PRKD3: variants seen among roughly 807,000 people sequenced by gnomAD.
PRKD3 encodes protein kinase D3, also known as serine/threonine-protein kinase D3.
A neutral mutation model predicts 99.2 loss-of-function variants in PRKD3; 47 were observed. That is an observed-to-expected ratio of 0.47 (90% CI 0.38 to 0.60). The LOEUF (loss-of-function observed/expected upper bound fraction) is 0.60, where lower values mean the gene tolerates loss of function less well. Among genes scored for constraint, PRKD3 ranks in the 20% least tolerant of loss-of-function variants. The pLI is 0.00. For missense variants in PRKD3, 1,019 were observed against 1,088.4 expected (o/e 0.94, Z 0.90); for synonymous variants, 392 against 355.4 (o/e 1.10, Z -1.16).
At chr2:37,304,459 G>A (rs1362854955) in intron 2 of PRKD3, among the ~76,000 whole-genome samples, 1 of 152,052 alleles carries the variant, frequency 6.6e-6, no homozygotes, top group African/African-American at 2.4e-5. Context: ...TATCATAAGA[G>A]GCCAGGTGTG....
intron 1 of PRKD3, among the ~76,000 whole-genome samples, chr2:37,320,618 G>A (rs1415456999): frequency 1.3e-5 from 2 of 151,820 alleles, no homozygotes; most frequent in Non-Finnish European, 2.9e-5. Flanking sequence ...TTTTAGTAGA[G>A]ACGGGGTTTC....
At position 37,316,572 on chromosome 2, in the gene PRKD3, G is replaced by C. The variant is rs764108155; in HGVS notation, c.-48C>G. On this transcript the variant is annotated 5_prime_UTR_variant, in exon 2 of 19. Transcript: ENST00000234179. Reference sequence around the variant, plus strand: ...AATAGTTGTCGATTCTTTTTCAATGGTTATGAAGAGGTTTTTAAAATAACA... The same window carrying C: ...AATAGTTGTCGATTCTTTTTCAATGCTTATGAAGAGGTTTTTAAAATAACA... 1 of 1,555,026 alleles carries C rather than the reference G, an allele frequency of 6.4e-7. No individual in the cohort carries two copies.
Position 37,289,440 on chromosome 2 carries a change from A to G in PRKD3, c.633T>C (p.Arg211=), listed in dbSNP as rs760910766. 6.2e-7 allele frequency: 1 copy of G among 1,613,984 alleles called. No individual in the cohort carries two copies. Among genetic ancestry groups the G allele is most frequent in the East Asian group, 2.2e-5 (1 of 44,868 alleles). ...GTCCTGGTAAAGATACATTTGACAG[A>G]CGTCTCTTTCTTACTCCACTACAGT... ...PNNCSGVRKR[R]LSNVSLPGPG... Residue 211 remains arginine (R), a synonymous_variant, in exon 5 of 19, where the codon CGT becomes CGC. Coordinates refer to ENST00000234179, the MANE Select transcript of PRKD3 (RefSeq NM_005813.6).
At position 37,254,212 on chromosome 2, in the gene PRKD3, A is replaced by G; in HGVS notation, c.2491T>C (p.Trp831Arg). The change falls in exon 18 of 19, where the codon TGG becomes CGG. Residue 831 changes from tryptophan to arginine, a missense_variant. By Grantham distance (101) the Trp-to-Arg change is moderately radical. This residue lies in a region of PRKD3 where 125 missense variants were observed against 120.6 expected (regional missense o/e 1.04). Transcript: ENST00000234179. ...ATTACATTTTTTTTTACCTGTAGCC[A>G]GGGATGACTAAGAGATTTGTCAACA... ...YSVDKSLSHPWLQDYQTWLDL... is the reference protein window; with the variant it reads ...YSVDKSLSHPRLQDYQTWLDL... 6.2e-7 allele frequency: 1 copy of G among 1,609,244 alleles called. No individual in the cohort carries two copies. Among genetic ancestry groups the G allele is most frequent in the Non-Finnish European group, 8.5e-7 (1 of 1,175,584 alleles).
intron 7 of PRKD3, chr2:37,282,212 C>T (rs1271458919): frequency 4.6e-6 from 1 of 219,124 alleles, no homozygotes. Context: ...GTATAGCAAG[C>T]AGTTAGTACA....
At chr2:37,291,933 C>T (rs970088690) in intron 3 of PRKD3, among the ~76,000 whole-genome samples, 6 of 152,240 alleles carry the variant, frequency 3.9e-5, no homozygotes, top group Non-Finnish European at 7.4e-5. Flanking sequence ...TCTTCCTTTT[C>T]ACTCCTTATT....
At chr2:37,268,392 A>G (rs1019433025) in intron 13 of PRKD3, 2 of 469,878 alleles carry the variant, frequency 4.3e-6, no homozygotes, top group Admixed American at 2.4e-5. Context: ...CAAACCATAG[A>G]TATTATATAT....
At chr2:37,280,296 C>T (rs181718310) in intron 7 of PRKD3, among the ~76,000 whole-genome samples, 154 of 152,240 alleles carry the variant, frequency 1.0e-3, no homozygotes, top group African/African-American at 3.2e-3. Flanking sequence ...CCACCCACTT[C>T]GGCCTCCCAA....
chr2:37,273,292 G>A (rs11124575), intron 11 of PRKD3, among the ~76,000 whole-genome samples: 9 of 151,904 alleles, frequency 5.9e-5, no homozygotes, highest in Non-Finnish European at 1.2e-4. Flanking sequence ...TAAAAACCTC[G>A]AAAACTTAAG....
chr2:37,287,555 G>A (rs1294930246), intron 5 of PRKD3, among the ~76,000 whole-genome samples: 4 of 152,100 alleles, frequency 2.6e-5, no homozygotes, highest in Non-Finnish European at 5.9e-5. Context: ...CATCAGTTCT[G>A]GCAGTGAGGA....
intron 9 of PRKD3, among the ~76,000 whole-genome samples, chr2:37,276,259 A>C (rs973883845): frequency 2.0e-5 from 3 of 152,290 alleles, no homozygotes; most frequent in Admixed American, 6.5e-5. Context: ...ATTATTCTAC[A>C]CAAGATTTGA....
chr2:37,277,893 C>G lies in PRKD3; in HGVS notation c.1269G>C (p.Met423Ile). 6.8e-6 allele frequency: 11 copies of G among 1,613,438 alleles called. No individual in the cohort carries two copies. Among genetic ancestry groups the G allele is most frequent in the Non-Finnish European group, 9.3e-6 (11 of 1,179,638 alleles). The change falls in exon 9 of 19, where the codon ATG (methionine) becomes ATC (isoleucine). Residue 423 changes from methionine (M) to isoleucine (I), a missense_variant. By Grantham distance (10) the Met-to-Ile change is conservative. Transcript: ENST00000234179. ...KSSTMVKEGW[M>I]VHYTSRDNLR... ...GGTTATCCCTGCTGGTGTAATGGAC[C>G]ATCCACCCTTCCTTCACCATTGTGC...
At chr2:37,276,303 G>C (rs2148543374) in intron 9 of PRKD3, among the ~76,000 whole-genome samples, 1 of 152,196 alleles carries the variant, frequency 6.6e-6, no homozygotes. Context: ...ACGTATGAGA[G>C]TCCCTAGTTA....
intron 12 of PRKD3, among the ~76,000 whole-genome samples, chr2:37,271,863 A>G (rs1314884102): frequency 6.6e-6 from 1 of 152,206 alleles, no homozygotes; most frequent in Admixed American, 6.5e-5. Context: ...AAGTTTACGG[A>G]AAAAGTTGCT....
rs142854008 is a variant in PRKD3 at position 37,252,310 on chromosome 2, C to G, written c.*867G>C. On this transcript the variant is annotated 3_prime_UTR_variant, in exon 19 of 19. Coordinates refer to ENST00000234179, the MANE Select transcript of PRKD3 (RefSeq NM_005813.6). The stretch of plus-strand genomic sequence containing the variant: ...AAGATAAATTGTGTAAAGCCGAGAT[C>G]TGCACCTGCTGAATGCTGGAATCCA... 5 of 152,306 alleles carry G rather than the reference C, an allele frequency of 3.3e-5. No homozygotes were observed. In the East Asian group the frequency reaches 7.7e-4, roughly 24 times the overall value. The allele number at this position is 152,306 out of a possible 1,614,324, so 9.4% of individuals were successfully genotyped here. A position where few individuals can be genotyped will look rare whatever the true frequency, so the allele number is the denominator to read the frequency against.
intron 5 of PRKD3, among the ~76,000 whole-genome samples, chr2:37,288,950 A>G (rs541880474): frequency 6.6e-6 from 1 of 152,238 alleles, no homozygotes; most frequent in Non-Finnish European, 1.5e-5. Context: ...GCTACTTGGG[A>G]GGCTGAGGCA....
Position 37,267,513 on chromosome 2 carries a change from C to G in PRKD3, c.1801G>C (p.Asp601His), listed in dbSNP as rs1417677567. ...YGGKHRKTGR[D>H]VAIKVIDKMR... ...TTATCAATTACTTTAATAGCCACAT[C>G]CCTCCCAGTCTTTCTATGTTTTCCT... The change falls in exon 14 of 19, where the codon GAT (aspartate) becomes CAT (histidine). Residue 601 changes from aspartate to histidine, a missense_variant. Around this residue, in one of 3 missense-constraint regions of PRKD3, gnomAD observed 184 missense variants for 275.1 expected, o/e 0.67. Transcript: ENST00000234179. The G allele has an allele frequency of 6.2e-7, 1 of 1,608,902 alleles. No homozygotes were observed. Among genetic ancestry groups the G allele is most frequent in the Non-Finnish European group, 8.5e-7 (1 of 1,177,142 alleles).
At chr2:37,294,545 G>A (rs142011667) in intron 2 of PRKD3, among the ~76,000 whole-genome samples, 1 of 152,048 alleles carries the variant, frequency 6.6e-6, no homozygotes, top group African/African-American at 2.4e-5. Context: ...CTCCTTTTGA[G>A]TCACCAACAG....
chr2:37,323,535 G>A (rs999118377), intron 1 of PRKD3, among the ~76,000 whole-genome samples: 9 of 151,968 alleles, frequency 5.9e-5, no homozygotes, highest in African/African-American at 2.2e-4. Flanking sequence ...GAATCTAACA[G>A]GGAAGGAAGC....
Sources: gnomAD v4.1 joint callset for allele counts (sites outside exome capture counted in the v4.1 genomes callset) on GRCh38, gnomAD v4.1.1 for gene constraint, gnomAD v4.1.1 regional missense constraint, MANE v1.5 for transcripts, NCBI Gene and HGNC (gene_info 2026-07-23, HGNC 2026-07-21) for gene names.